PDE3B: variants seen among roughly 807,000 people sequenced by gnomAD.
PDE3B encodes phosphodiesterase 3B.
A neutral mutation model predicts 116.8 loss-of-function variants in PDE3B; 66 were observed. The observed-to-expected ratio is 0.56, with a 90% CI of 0.46 to 0.69. The LOEUF (loss-of-function observed/expected upper bound fraction) is 0.69, where lower values mean the gene tolerates loss of function less well. PDE3B is among the 30% of genes least tolerant of loss of function. The pLI is 0.00. For synonymous variants in PDE3B, 595 were observed against 533.6 expected (o/e 1.12, Z -1.59); for missense variants, 1,384 against 1,368.1 (o/e 1.01, Z -0.18).
chr11:14,762,485 A>G (rs1299786722), intron 1 of PDE3B, among the ~76,000 whole-genome samples: 1 of 152,182 alleles, frequency 6.6e-6, no homozygotes, highest in Non-Finnish European at 1.5e-5. Flanking sequence ...TAGTAAATAA[A>G]CCAACTTAGC....
intron 4 of PDE3B, among the ~76,000 whole-genome samples, chr11:14,790,100 A>T (rs1480156107): frequency 6.6e-6 from 1 of 152,052 alleles, no homozygotes; most frequent in Admixed American, 6.6e-5. Context: ...GATCATAGCT[A>T]TTTGTTAAAG....
chr11:14,672,211 A>T (rs561000885), intron 1 of PDE3B, among the ~76,000 whole-genome samples: 1 of 151,922 alleles, frequency 6.6e-6, no homozygotes, highest in South Asian at 2.1e-4. Flanking sequence ...TTTAGGTAGC[A>T]TTATAGCACT....
At chr11:14,744,375 T>A (rs1856849938) in intron 1 of PDE3B, among the ~76,000 whole-genome samples, 1 of 152,236 alleles carries the variant, frequency 6.6e-6, no homozygotes, top group Admixed American at 6.5e-5. Context: ...TAGTTTGCTT[T>A]GGGTGATATT....
chr11:14,818,535 A>G, intron 6 of PDE3B, 142 bp downstream of exon 6: 1 of 615,848 alleles, frequency 1.6e-6, no homozygotes. Flanking sequence ...AAATGACATT[A>G]TTTTAAGATG....
chr11:14,898,075 A>G, the PDE3B span, among the ~76,000 whole-genome samples: 1 of 151,906 alleles, frequency 6.6e-6, no homozygotes, highest in Non-Finnish European at 1.5e-5. Flanking sequence ...GGCTGGGTCT[A>G]CCTGGGATAG....
At chr11:14,813,653 A>G (rs929070611) in intron 5 of PDE3B, among the ~76,000 whole-genome samples, 1 of 152,144 alleles carries the variant, frequency 6.6e-6, no homozygotes, top group African/African-American at 2.4e-5. Flanking sequence ...GCAATCTAAC[A>G]TATAGGTTCT....
chr11:14,674,337 T>C (rs1590052523), intron 1 of PDE3B: 2 of 867,634 alleles, frequency 2.3e-6, no homozygotes, highest in African/African-American at 1.7e-5. Context: ...GAAGTTCTTA[T>C]TCTTTCTGCA....
intron 2 of PDE3B, chr11:14,776,635 TA>T (rs1368394327): frequency 2.0e-5 from 3 of 147,514 alleles, no homozygotes; most frequent in African/African-American, 5.0e-5. Context: ...AAAGTATAAT[TA>T]AAAAATAATA....
chr11:14,826,095 A>G (rs1471967239), intron 7 of PDE3B, among the ~76,000 whole-genome samples: 1 of 152,160 alleles, frequency 6.6e-6, no homozygotes, highest in Non-Finnish European at 1.5e-5. Context: ...ACAACCTACA[A>G]AATCTCTGGG....
chr11:14,876,744 C>T (rs1848193399), downstream of PDE3B, among the ~76,000 whole-genome samples: 1 of 152,068 alleles, frequency 6.6e-6, no homozygotes, highest in African/African-American at 2.4e-5. Context: ...CATGAGCTAG[C>T]CTTAAGATAA....
chr11:14,764,121 A>C (rs572121841), intron 1 of PDE3B, among the ~76,000 whole-genome samples: 83 of 152,234 alleles, frequency 5.5e-4, no homozygotes, highest in African/African-American at 1.9e-3. Flanking sequence ...AAGAGTGGAC[A>C]TGGTGTTTTT....
At chr11:14,859,511 ATAGAAACAAACCAGTTAT>A (rs1260931891) in intron 13 of PDE3B, among the ~76,000 whole-genome samples, 15 of 152,316 alleles carry the variant, frequency 9.8e-5, no homozygotes, top group Non-Finnish European at 1.5e-4. Flanking sequence ...TATTTTTCAC[ATAGAAACAAACCAGTTAT>A]TAGAAACAAA....
At chr11:14,742,026 T>A (rs1003233044) in intron 1 of PDE3B, among the ~76,000 whole-genome samples, 4 of 152,146 alleles carry the variant, frequency 2.6e-5, no homozygotes, top group African/African-American at 9.7e-5. Context: ...TTATCATTTT[T>A]TCCTTCATTT....
rs1856371758 is a variant in PDE3B, at chr11:14,728,342, A to G, written c.979-43595A>G. Among the ~76,000 whole-genome samples the G allele has an allele frequency of 4.6e-5, 7 of 152,140 alleles. No individual in the cohort carries two copies. The South Asian group carries it at 1.5e-3, about 32-fold the overall frequency. On this transcript the variant is annotated intron_variant, in intron 1 of 15. Transcript: ENST00000282096. ...ACCTAATGAAAATGTTTCTACTGCT[A>G]CAATTGTGGAGAAATTTTGAAAACC...
the PDE3B span, chr11:14,878,149 G>A: frequency 8.1e-6 from 13 of 1,612,986 alleles, no homozygotes; most frequent in Non-Finnish European, 1.1e-5. Flanking sequence ...AGATGAGGTA[G>A]GGTTGGGGCT....
chr11:14,647,923 A>G (rs1328049318), intron 1 of PDE3B, among the ~76,000 whole-genome samples: 1 of 146,398 alleles, frequency 6.8e-6, no homozygotes, highest in Non-Finnish European at 1.5e-5. Flanking sequence ...GTTCTTAACT[A>G]AGGTTTTTTT....
intron 1 of PDE3B, among the ~76,000 whole-genome samples, chr11:14,713,308 A>C (rs1779975174): frequency 6.6e-6 from 1 of 152,198 alleles, no homozygotes; most frequent in African/African-American, 2.4e-5. Flanking sequence ...TGTGAACCTC[A>C]CTGGATCACG....
At chr11:14,771,832 T>G in intron 1 of PDE3B, 105 bp from the exon 2 acceptor site, 1 of 436,602 alleles carries the variant, frequency 2.3e-6, no homozygotes, top group Non-Finnish European at 4.2e-6. Context: ...CTCTTCCAGA[T>G]TTTGAGCTAT....
At chr11:14,783,085 T>C (rs1858076021) in intron 2 of PDE3B, among the ~76,000 whole-genome samples, 3 of 152,080 alleles carry the variant, frequency 2.0e-5, no homozygotes, top group Non-Finnish European at 2.9e-5. Context: ...GTTAGAATGG[T>C]GATCATTAAA....
Sources: gnomAD v4.1 joint callset for allele counts (sites outside exome capture counted in the v4.1 genomes callset) on GRCh38, gnomAD v4.1.1 for gene constraint, MANE v1.5 for transcripts, NCBI Gene and HGNC (gene_info 2026-07-23, HGNC 2026-07-21) for gene names.